The following BCAS3 variants were observed in gnomAD, a reference collection of about 807,000 sequenced individuals.
The protein encoded by BCAS3 is BCAS4/BCAS3 fusion.
Under a neutral mutation model 116.1 loss-of-function variants are expected in BCAS3, and 53 were observed. That is an observed-to-expected ratio of 0.46 (90% CI 0.37 to 0.57). BCAS3 has a LOEUF of 0.57. Among genes scored for constraint, BCAS3 ranks in the 20% least tolerant of loss-of-function variants. The pLI is 0.00. For missense variants in BCAS3, 917 were observed against 1,165.4 expected (o/e 0.79, Z 3.10); for synonymous variants, 391 against 408.2 (o/e 0.96, Z 0.51).
intron 19 of BCAS3, among the ~76,000 whole-genome samples, chr17:61,069,347 CCAATGAAAAGAGCAAAAGAAGAAA>C (rs1434231198): frequency 2.6e-5 from 4 of 151,956 alleles, no homozygotes; most frequent in African/African-American, 9.7e-5. Context: ...TGCAACTGAG[CCAATGAAAAGAGCAAAAGAAGAAA>C]CAAAGAAGAA....
rs765717038 is a variant in BCAS3 at position 61,004,611 on chromosome 17, AT to A, written c.1487-11138del. ...AGACAGGGATCAGGGCTATACCAGG[AT>A]TATGCACAGAAGTAGAAATTTTGAT... On this transcript the variant is annotated intron_variant, in intron 15 of 23. Transcript: ENST00000407086. This position sits in a 1 kb window ranked among gnomAD's most constrained non-coding sequence, Gnocchi z 4.8. Among the ~76,000 whole-genome samples, 33 of 152,178 alleles carry A rather than the reference AT, an allele frequency of 2.2e-4. No homozygotes were observed. The highest frequency in any genetic ancestry group is 4.1e-4 in the Non-Finnish European group (28 of 68,020).
intron 7 of BCAS3, among the ~76,000 whole-genome samples, chr17:60,837,941 G>A (rs865875239): frequency 2.6e-5 from 4 of 152,166 alleles, no homozygotes; most frequent in East Asian, 1.9e-4. Context: ...GTGAGCCACC[G>A]TGCCTGGCCA....
chr17:61,383,335 T>A (rs2059692203), intron 23 of BCAS3: 4 of 152,300 alleles, frequency 2.6e-5, no homozygotes, highest in Admixed American at 2.6e-4. Flanking sequence ...CGGGGTCTCC[T>A]CAGCAGGGTA....
At chr17:61,238,549 A>G (rs1009925746) in intron 22 of BCAS3, among the ~76,000 whole-genome samples, 1 of 151,904 alleles carries the variant, frequency 6.6e-6, no homozygotes, top group Non-Finnish European at 1.5e-5. Context: ...GACCAATTCC[A>G]TCATAATGAG....
At chr17:61,003,944 T>A (rs1391790939) in intron 15 of BCAS3, 2 of 152,166 alleles carry the variant, frequency 1.3e-5, no homozygotes, top group Admixed American at 6.6e-5. Context: ...GTAGGTCTTT[T>A]CATGTACGCT....
In BCAS3 at chr17:61,132,004, A is replaced by G. The variant is rs1299766608; in HGVS notation, c.2425+47440A>G. ...TAACTGCTTTTCATGCAGGGTTGCA[A>G]TTAACCCCTGGCAGATACCTCACCG... is the stretch of plus-strand genomic sequence containing the variant. On this transcript the variant is annotated intron_variant, in intron 22 of 23. Coordinates refer to ENST00000407086, the MANE Select transcript of BCAS3 (RefSeq NM_017679.5). The surrounding 1 kb of genome is among the most constrained non-coding windows in gnomAD (Gnocchi z 5.1). Among the ~76,000 whole-genome samples the G allele has an allele frequency of 6.6e-6, 1 of 152,170 alleles. No homozygotes were observed. Among genetic ancestry groups the G allele is most frequent in the Admixed American group, 6.5e-5 (1 of 15,282 alleles).
rs1395659930 is a variant in BCAS3 at position 61,111,488 on chromosome 17, G to A, written c.2425+26924G>A. ...ATCAACTGGAAGAAAGGGTATCAGC[G>A]ACGGAAGATGAAATGAATGAAATGA... On this transcript the variant is annotated intron_variant, in intron 22 of 23. Coordinates refer to ENST00000407086, the MANE Select transcript of BCAS3 (RefSeq NM_017679.5). 1.4e-4 allele frequency among the ~76,000 whole-genome samples: 22 copies of A among 152,040 alleles called. No homozygotes were observed. The East Asian group carries it at 1.8e-3, about 12-fold the overall frequency.
At chr17:60,788,268 A>G (rs931175495) in intron 6 of BCAS3, among the ~76,000 whole-genome samples, 1 of 152,178 alleles carries the variant, frequency 6.6e-6, no homozygotes, top group African/African-American at 2.4e-5. Context: ...TTTAAGGTTC[A>G]TACATGGCAT....
At chr17:60,913,864 C>G (rs2058645131) in intron 12 of BCAS3, among the ~76,000 whole-genome samples, 1 of 152,042 alleles carries the variant, frequency 6.6e-6, no homozygotes, top group Admixed American at 6.6e-5. Context: ...GACTTTGCAT[C>G]CATTTTTATC....
rs1394196551 is a variant in BCAS3 at position 61,309,021 on chromosome 17, G to A, written c.2426-59306G>A. Among the ~76,000 whole-genome samples the A allele has an allele frequency of 6.6e-6, 1 of 152,186 alleles. No homozygotes were observed. Among genetic ancestry groups the A allele is most frequent in the Non-Finnish European group, 1.5e-5 (1 of 68,000 alleles). On this transcript the variant is annotated intron_variant, in intron 22 of 23. Transcript: ENST00000407086. This position sits in a 1 kb window ranked among gnomAD's most constrained non-coding sequence, Gnocchi z 4.6. ...TGTGGCCTCCCCCAGCAGAGGCTTT[G>A]AGGACCTATCTGTCCCCTCCTCTGA...
intron 6 of BCAS3, among the ~76,000 whole-genome samples, chr17:60,750,273 G>A (rs953273797): frequency 2.0e-5 from 3 of 152,030 alleles, no homozygotes; most frequent in African/African-American, 4.8e-5. Context: ...CCAAATCTCA[G>A]TAGCCATTTA....
chr17:60,706,995 A>T (rs1277487058), intron 4 of BCAS3, among the ~76,000 whole-genome samples: 3 of 150,904 alleles, frequency 2.0e-5, no homozygotes, highest in Admixed American at 6.6e-5. Flanking sequence ...TTGTATTATT[A>T]TTATTATTTT....
Position 61,316,786 on chromosome 17 carries a change from A to C in BCAS3, c.2426-51541A>C, listed in dbSNP as rs1322410205. 6.6e-6 allele frequency among the ~76,000 whole-genome samples: 1 copy of C among 152,230 alleles called. No homozygotes were observed. The highest frequency in any genetic ancestry group is 1.9e-4 in the East Asian group (1 of 5,198). ...TCTGCTCAACTGTATGTGCTGTGCT[A>C]GATTCCTCGGGGTCATGTACAATAA... On this transcript the variant is annotated intron_variant, in intron 22 of 23. Transcript: ENST00000407086. The surrounding 1 kb of genome is among the most constrained non-coding windows in gnomAD (Gnocchi z 5.8).
intron 6 of BCAS3, among the ~76,000 whole-genome samples, chr17:60,774,640 G>A (rs2045093967): frequency 3.3e-5 from 5 of 152,118 alleles, no homozygotes; most frequent in Admixed American, 3.3e-4. Flanking sequence ...CTCTTTGTTA[G>A]GTATTCCTAG....
At chr17:60,910,431 G>A (rs2145096828) in intron 11 of BCAS3, 101 bp from the exon 12 acceptor site, 4 of 965,478 alleles carry the variant, frequency 4.1e-6, no homozygotes, top group Non-Finnish European at 4.3e-6. Context: ...GATTGTAAGA[G>A]AATAAATAAC....
At chr17:61,108,756 C>G (rs545545590) in intron 22 of BCAS3, among the ~76,000 whole-genome samples, 3 of 151,878 alleles carry the variant, frequency 2.0e-5, no homozygotes, top group Non-Finnish European at 2.9e-5. Flanking sequence ...TTATCCTTTG[C>G]CACCCCTCAC....
intron 19 of BCAS3, among the ~76,000 whole-genome samples, chr17:61,045,865 A>ATATT (rs757031336): frequency 2.5e-4 from 1 of 3,964 alleles, no homozygotes; most frequent in Non-Finnish European, 4.3e-4. Context: ...ATATATATAT[A>ATATT]AATATATATA....
At chr17:60,707,762 T>G (rs879848522) in intron 4 of BCAS3, among the ~76,000 whole-genome samples, 4 of 152,220 alleles carry the variant, frequency 2.6e-5, no homozygotes, top group Non-Finnish European at 5.9e-5. Flanking sequence ...AATGATCATA[T>G]GATTTTTTGC....
At chr17:60,769,621 G>A (rs1045066698) in intron 6 of BCAS3, among the ~76,000 whole-genome samples, 2 of 152,158 alleles carry the variant, frequency 1.3e-5, no homozygotes, top group African/African-American at 4.8e-5. Flanking sequence ...TGTGGGGAAT[G>A]CAGTTTGCTT....
Sources: allele counts gnomAD v4.1 joint callset (sites outside exome capture counted in the v4.1 genomes callset), GRCh38; gene constraint gnomAD v4.1.1; non-coding constraint Gnocchi (gnomAD v3.1); transcripts MANE v1.5; gene names NCBI Gene and HGNC (gene_info 2026-07-23, HGNC 2026-07-21).